The following ZCWPW2 variants were observed in gnomAD, a reference collection of about 807,000 sequenced individuals.
The protein encoded by ZCWPW2 is zinc finger CW-type PWWP domain protein 2.
A neutral mutation model predicts 46.6 loss-of-function variants in ZCWPW2; 45 were observed. That is an observed-to-expected ratio of 0.96 (90% CI 0.76 to 1.24). The LOEUF (loss-of-function observed/expected upper bound fraction) is 1.24. Ranked by LOEUF, ZCWPW2 falls within the 50% of genes most tolerant of loss-of-function variation. ZCWPW2 has a pLI of 0.00. For missense variants in ZCWPW2, 429 were observed against 403.9 expected (o/e 1.06, Z -0.53); for synonymous variants, 152 against 137.1 (o/e 1.11, Z -0.76).
At chr3:28,453,407 A>C (rs1479647176) in intron 4 of ZCWPW2, among the ~76,000 whole-genome samples, 1 of 152,232 alleles carries the variant, frequency 6.6e-6, no homozygotes, top group Non-Finnish European at 1.5e-5. Context: ...TCAGTATATA[A>C]AGAATGGAAC....
intron 4 of ZCWPW2, chr3:28,448,115 G>A (rs929742505): frequency 1.5e-5 from 3 of 198,884 alleles, no homozygotes; most frequent in Non-Finnish European, 2.1e-5. Flanking sequence ...AAAATTAAAA[G>A]GCTTAAAAAA....
chr3:28,362,205 T>C (rs1225597544), intron 1 of ZCWPW2, among the ~76,000 whole-genome samples: 1 of 152,144 alleles, frequency 6.6e-6, no homozygotes, highest in Non-Finnish European at 1.5e-5. Context: ...AAAGTTTAGT[T>C]ATATAAGATG....
intron 6 of ZCWPW2, among the ~76,000 whole-genome samples, chr3:28,509,079 T>C (rs1178217734): frequency 2.0e-5 from 3 of 152,184 alleles, no homozygotes; most frequent in African/African-American, 7.2e-5. Flanking sequence ...TCTGCTTCTA[T>C]AGATTTGCCT....
Position 28,476,741 on chromosome 3 carries a change from G to T in ZCWPW2, c.493-2073G>T, listed in dbSNP as rs553429677. Among the ~76,000 whole-genome samples, 3 of 152,142 alleles carry T rather than the reference G, an allele frequency of 2.0e-5. No individual in the cohort carries two copies. The South Asian group carries it at 6.2e-4, about 32-fold the overall frequency. ...ATATAACTCACCATAATGTAGAATC[G>T]GTGAAAGCACTGAGCTTGTTTTCCC... On this transcript the variant is annotated intron_variant, in intron 4 of 9. Transcript: ENST00000383768.
chr3:28,483,012 T>G (rs1166239189), intron 5 of ZCWPW2, among the ~76,000 whole-genome samples: 1 of 152,200 alleles, frequency 6.6e-6, no homozygotes, highest in African/African-American at 2.4e-5. Context: ...TGAAGTCTAG[T>G]TTATCAATTA....
At chr3:28,512,611 T>TA (rs563428397) in intron 6 of ZCWPW2, among the ~76,000 whole-genome samples, 58 of 146,484 alleles carry the variant, frequency 4.0e-4, no homozygotes, top group African/African-American at 1.3e-3. Context: ...CCATGATTCT[T>TA]AGCTACTTTT....
rs1705101717 is a variant in ZCWPW2 at position 28,365,788 on chromosome 3, G to A, written c.-134+16585G>A. On this transcript the variant is annotated intron_variant, in intron 1 of 9. Coordinates refer to ENST00000383768, the MANE Select transcript of ZCWPW2 (RefSeq NM_001040432.4). ...TTCTTCCTACCCATGAGCATGGAAT[G>A]TTCTTCCATTTGTTTGTATCCTCTT... 2.1e-5 allele frequency among the ~76,000 whole-genome samples: 3 copies of A among 141,182 alleles called. No individual in the cohort carries two copies. In the South Asian group the frequency reaches 6.8e-4, roughly 32 times the overall value. 92.6% of individuals were successfully genotyped at this position (141,182 alleles called of 152,430 possible). A position where few individuals can be genotyped will look rare whatever the true frequency, so the allele number is the denominator to read the frequency against.
At chr3:28,458,002 C>G (rs1698485843) in intron 4 of ZCWPW2, among the ~76,000 whole-genome samples, 1 of 152,120 alleles carries the variant, frequency 6.6e-6, no homozygotes, top group African/African-American at 2.4e-5. Flanking sequence ...TGACCTGATA[C>G]AGAAAATGAC....
intron 6 of ZCWPW2, among the ~76,000 whole-genome samples, chr3:28,494,839 G>A (rs34472493): frequency 0.18 from 23,931 of 133,976 alleles, 2,271 homozygotes; most frequent in Middle Eastern, 0.28. Flanking sequence ...TTGCTTCAAA[G>A]AGAATAAAAT....
chr3:28,523,635 G>C (rs2125841177), intron 9 of ZCWPW2, among the ~76,000 whole-genome samples: 1 of 152,170 alleles, frequency 6.6e-6, no homozygotes, highest in Non-Finnish European at 1.5e-5. Context: ...TTTCACCTGT[G>C]AGTTTTCAAT....
chr3:28,408,794 A>C (rs1163335306), intron 2 of ZCWPW2, among the ~76,000 whole-genome samples: 1 of 152,206 alleles, frequency 6.6e-6, no homozygotes, highest in Admixed American at 6.5e-5. Context: ...CATTCTTTCT[A>C]GATCTGTACC....
chr3:28,426,832 A>G (rs1697033343), intron 3 of ZCWPW2, among the ~76,000 whole-genome samples: 1 of 152,180 alleles, frequency 6.6e-6, no homozygotes, highest in African/African-American at 2.4e-5. Context: ...CACTATTTAA[A>G]CATGAACTCA....
intron 1 of ZCWPW2, among the ~76,000 whole-genome samples, chr3:28,380,289 A>AT (rs966032769): frequency 6.4e-4 from 96 of 151,128 alleles, no homozygotes; most frequent in African/African-American, 2.0e-3. Context: ...CGGCCAGTTT[A>AT]TTTTTTTTTA....
At chr3:28,396,571 A>G (rs1471432712) in intron 2 of ZCWPW2, among the ~76,000 whole-genome samples, 1 of 152,174 alleles carries the variant, frequency 6.6e-6, no homozygotes, top group East Asian at 1.9e-4. Context: ...ATAATATCAA[A>G]ATTCTCCAAC....
chr3:28,400,412 G>A lies in ZCWPW2; in HGVS notation c.-14+9795G>A, dbSNP rs529826139. Among the ~76,000 whole-genome samples the A allele has an allele frequency of 9.1e-4, 138 of 152,258 alleles. 2 individuals carry two copies. The highest frequency in any genetic ancestry group is 1.3e-4 in the Non-Finnish European group (9 of 68,014). On this transcript the variant is annotated intron_variant, in intron 2 of 9. Coordinates refer to ENST00000383768, the MANE Select transcript of ZCWPW2 (RefSeq NM_001040432.4). ...CTTCTTCAGCCTTGCTAGAGACCTAGACATTCAAATACAAGAAGCACAAAG... is the reference window on the plus strand; with the variant it reads ...CTTCTTCAGCCTTGCTAGAGACCTAAACATTCAAATACAAGAAGCACAAAG...
At chr3:28,505,117 G>A (rs995118424) in intron 6 of ZCWPW2, among the ~76,000 whole-genome samples, 3 of 152,114 alleles carry the variant, frequency 2.0e-5, no homozygotes, top group Admixed American at 1.3e-4. Flanking sequence ...TTTGTTTAGG[G>A]TGGGCTGGTG....
In ZCWPW2 at chr3:28,464,914, G is replaced by A. The variant is rs572459444; in HGVS notation, c.493-13900G>A. Among the ~76,000 whole-genome samples, 6 of 152,334 alleles carry A rather than the reference G, an allele frequency of 3.9e-5. No homozygotes were observed. The East Asian group carries it at 1.2e-3, about 29-fold the overall frequency. ...TGGCTTAAGAAACATCTGGATTACAGTTGAAAAAGTTTGAATGGCAGTTGC... is the reference window on the plus strand; with the variant it reads ...TGGCTTAAGAAACATCTGGATTACAATTGAAAAAGTTTGAATGGCAGTTGC... On this transcript the variant is annotated intron_variant, in intron 4 of 9. Transcript: ENST00000383768.
intron 1 of ZCWPW2, among the ~76,000 whole-genome samples, chr3:28,379,526 C>T (rs1705604642): frequency 6.6e-6 from 1 of 152,080 alleles, no homozygotes; most frequent in Non-Finnish European, 1.5e-5. Flanking sequence ...TGAAATCTAC[C>T]TTTATAAAAT....
intron 6 of ZCWPW2, among the ~76,000 whole-genome samples, chr3:28,502,743 G>C (rs1700181347): frequency 6.6e-6 from 1 of 152,150 alleles, no homozygotes; most frequent in Non-Finnish European, 1.5e-5. Flanking sequence ...TGTCGCTAGG[G>C]TTGCAGTTGT....
Sources: gnomAD v4.1 joint callset for allele counts (sites outside exome capture counted in the v4.1 genomes callset) on GRCh38, gnomAD v4.1.1 for gene constraint, MANE v1.5 for transcripts, NCBI Gene and HGNC (gene_info 2026-07-23, HGNC 2026-07-21) for gene names.